The following KLC4 variants were observed in gnomAD, a reference collection of about 807,000 sequenced individuals.
KLC4 encodes kinesin light chain 4, also known as kinesin-like protein 8.
In KLC4, 49 loss-of-function variants were observed where a neutral mutation model predicts 77.2. That is an observed-to-expected ratio of 0.63 (90% CI 0.50 to 0.80). The LOEUF is 0.80. Ranked by LOEUF, KLC4 falls within the 30% of genes least tolerant of loss-of-function variation. The probability of loss-of-function intolerance (pLI) is 0.00; values close to 1 mark genes in which losing one functional copy is unlikely to be tolerated. For missense variants in KLC4, 669 were observed against 793.5 expected (o/e 0.84, Z 1.89); for synonymous variants, 274 against 314.5 (o/e 0.87, Z 1.36).
At chr6:43,066,692 A>G (rs1188751789) in intron 5 of KLC4, among the ~76,000 whole-genome samples, 167 bp downstream of exon 5, 1 of 152,008 alleles carries the variant, frequency 6.6e-6, no homozygotes, top group Non-Finnish European at 1.5e-5. Flanking sequence ...CACTTTTCCC[A>G]TACCTAAGCA....
Position 43,059,682 on chromosome 6 carries a change from G to C in KLC4, c.-29G>C. On this transcript the variant is annotated 5_prime_UTR_variant, in exon 1 of 16. Transcript: ENST00000347162. ...AGAGCGGCAGCCACACCGGCAGATT[G>C]CAGGTGAGTCTTTGAGGGTATCCTG... 1 of 1,335,534 alleles carries C rather than the reference G, an allele frequency of 7.5e-7. No homozygotes were observed. Among genetic ancestry groups the C allele is most frequent in the Non-Finnish European group, 9.6e-7 (1 of 1,045,168 alleles). The allele number at this position is 1,335,534 out of a possible 1,614,324, so 82.7% of individuals were successfully genotyped here. A position where few individuals can be genotyped will look rare whatever the true frequency, so the allele number is the denominator to read the frequency against.
In KLC4 at chr6:43,071,731, G is replaced by A. The variant is rs953557738; in HGVS notation, c.1308+112G>A. 2.1e-5 allele frequency: 30 copies of A among 1,436,496 alleles called. No individual in the cohort carries two copies. The African/African-American group carries it at 3.5e-4, about 17-fold the overall frequency. 89.0% of individuals were successfully genotyped at this position (1,436,496 alleles called of 1,614,324 possible). ...TCCCATCCCAGCACCAGCCCCAGAT[G>A]CATGGTGTCCTCCCCAGCCCAGCCT... On this transcript the variant is annotated intron_variant, in intron 10 of 15. Transcript: ENST00000347162.
intron 2 of KLC4, chr6:43,062,625 T>G: frequency 2.3e-6 from 1 of 443,006 alleles, no homozygotes; most frequent in Non-Finnish European, 4.2e-6. Context: ...CATCATCAGG[T>G]TGTTGGGTTA....
chr6:43,070,929 G>A, intron 8 of KLC4, 64 bp downstream of exon 8: 1 of 472,260 alleles, frequency 2.1e-6, no homozygotes, highest in Non-Finnish European at 3.6e-6. Flanking sequence ...TGGGGGGAGG[G>A]GGGGCAGGCG....
chr6:43,064,189 G>A (rs1765305575), intron 3 of KLC4, among the ~76,000 whole-genome samples: 1 of 152,194 alleles, frequency 6.6e-6, no homozygotes, highest in Non-Finnish European at 1.5e-5. Context: ...TCTTATCCAG[G>A]AGAACATATA....
At chr6:43,060,560 T>A (rs1765093318) in intron 1 of KLC4, 3 of 1,236,860 alleles carry the variant, frequency 2.4e-6, no homozygotes, top group Admixed American at 7.0e-5. Context: ...GTTTCTTCCG[T>A]GCTCTGGCCT....
chr6:43,065,824 AG>A, intron 4 of KLC4, 123 bp downstream of exon 4: 1 of 679,080 alleles, frequency 1.5e-6, no homozygotes, highest in Non-Finnish European at 2.6e-6. Flanking sequence ...CTCTGGAGAC[AG>A]GGCAGGGGCT....
chr6:43,064,046 A>G (rs539173580), intron 3 of KLC4, among the ~76,000 whole-genome samples: 120 of 151,644 alleles, frequency 7.9e-4, no homozygotes, highest in African/African-American at 2.7e-3. Flanking sequence ...CATGTTGACC[A>G]GGCTGGTCTC....
At chr6:43,061,039 C>T in intron 1 of KLC4, 1 of 447,648 alleles carries the variant, frequency 2.2e-6, no homozygotes, top group Non-Finnish European at 4.0e-6. Flanking sequence ...TTTCCTAAGT[C>T]CTAAATCCTT....
intron 2 of KLC4, 54 bp downstream of exon 2, chr6:43,061,647 T>C (rs1053057432): frequency 3.9e-6 from 6 of 1,546,418 alleles, no homozygotes; most frequent in African/African-American, 2.7e-5. Context: ...GGAGCAGTTA[T>C]CTGATTAAAG....
chr6:43,070,813 A>C lies in KLC4; in HGVS notation c.1103A>C (p.Glu368Ala). 1 of 1,609,950 alleles carries C rather than the reference A, an allele frequency of 6.2e-7. No homozygotes were observed. Among genetic ancestry groups the C allele is most frequent in the Non-Finnish European group, 8.5e-7 (1 of 1,178,134 alleles). The stretch of plus-strand genomic sequence containing the variant: ...TACCAGCGAGCACTGGCCATCTACG[A>C]GGGGCAGCTGGGGCCGGACAACCCT... ...RYYQRALAIY[E>A]GQLGPDNPNV... is the part of the protein sequence containing the mutation. The change falls in exon 8 of 16, where the codon GAG becomes GCG. Residue 368 changes from glutamate to alanine, a missense_variant. Glu to Ala is a moderately radical substitution (Grantham distance 107). Transcript: ENST00000347162.
At chr6:43,060,414 A>G in intron 1 of KLC4, 1 of 833,746 alleles carries the variant, frequency 1.2e-6, no homozygotes, top group Non-Finnish European at 1.7e-6. Flanking sequence ...AGAGGGAGGG[A>G]GGGAGGGTGT....
chr6:43,066,898 C>T, intron 5 of KLC4, 98 bp from the exon 6 acceptor site: 3 of 1,527,244 alleles, frequency 2.0e-6, no homozygotes, highest in Middle Eastern at 1.8e-4. Flanking sequence ...TCATGGAGGT[C>T]TCCAATCCTT....
chr6:43,067,101 T>TCCCCCCCCCC lies in KLC4; in HGVS notation c.879+22_879+23insCCCCCCCCCC. ...ATCCTGCTGTCAGTATTCCTTGCCCTCCCCACCCCACGCCCCGCACCCCCC... is the reference window on the plus strand; with the variant it reads ...ATCCTGCTGTCAGTATTCCTTGCCCTCCCCCCCCCCCCCCACCCCACGCCCCGCACCCCCC... On this transcript the variant is annotated intron_variant, in intron 6 of 15. Coordinates refer to ENST00000347162, the MANE Select transcript of KLC4 (RefSeq NM_201521.3). 1.3e-6 allele frequency: 2 copies of TCCCCCCCCCC among 1,584,670 alleles called. No individual in the cohort carries two copies. Among genetic ancestry groups the TCCCCCCCCCC allele is most frequent in the Non-Finnish European group, 1.7e-6 (2 of 1,155,594 alleles).
At chr6:43,070,645 C>T in intron 7 of KLC4, 47 bp from the exon 8 acceptor site, 1 of 1,580,528 alleles carries the variant, frequency 6.3e-7, no homozygotes, top group Middle Eastern at 1.7e-4. Flanking sequence ...TGCTTGTGCA[C>T]ACACATGTTA....
At chr6:43,074,003 A>G in intron 15 of KLC4, 38 bp downstream of exon 15, 2 of 1,515,082 alleles carry the variant, frequency 1.3e-6, no homozygotes, top group Non-Finnish European at 1.8e-6. Flanking sequence ...GTGGGTGAGG[A>G]AAAAAGGACA....
chr6:43,067,455 CA>C, intron 6 of KLC4: 1 of 240,612 alleles, frequency 4.2e-6, no homozygotes, highest in Non-Finnish European at 7.8e-6. Context: ...TACAAAACAA[CA>C]GTAGTTGTAT....
At chr6:43,066,548 G>T in intron 5 of KLC4, 23 bp downstream of exon 5, 2 of 1,587,474 alleles carry the variant, frequency 1.3e-6, no homozygotes, top group Non-Finnish European at 1.7e-6. Flanking sequence ...CTCCTCCAGT[G>T]CCCAGATCTT....
intron 12 of KLC4, 31 bp from the exon 13 acceptor site, chr6:43,072,792 AG>A (rs757837068): frequency 1.2e-6 from 2 of 1,609,698 alleles, no homozygotes; most frequent in Non-Finnish European, 1.7e-6. Context: ...GTTAAGGAGT[AG>A]GAAGTCCCAG....
Sources: gnomAD v4.1 joint callset for allele counts (sites outside exome capture counted in the v4.1 genomes callset) on GRCh38, gnomAD v4.1.1 for gene constraint, MANE v1.5 for transcripts, NCBI Gene and HGNC (gene_info 2026-07-23, HGNC 2026-07-21) for gene names.